Variants in LTBP1 observed in about 807,000 individuals in gnomAD.
LTBP1 encodes latent-transforming growth factor beta-binding protein 1.
A neutral mutation model predicts 207.6 loss-of-function variants in LTBP1; 129 were observed. That is an observed-to-expected ratio of 0.62 (90% CI 0.54 to 0.72). The LOEUF is 0.72. LTBP1 is among the 30% of genes least tolerant of loss of function. The probability of loss-of-function intolerance (pLI) is 0.00; values close to 1 mark genes in which losing one functional copy is unlikely to be tolerated. For synonymous variants in LTBP1, 963 were observed against 833.7 expected (o/e 1.16, Z -2.67); for missense variants, 2,281 against 2,217.2 (o/e 1.03, Z -0.58).
At chr2:33,259,686 T>G (rs1573478999) in intron 13 of LTBP1, 76 bp downstream of exon 13, 2 of 1,400,562 alleles carry the variant, frequency 1.4e-6, no homozygotes, top group East Asian at 4.6e-5. Flanking sequence ...GTATGGATTT[T>G]TTAGACTTAA....
chr2:33,229,294 AC>A (rs1328240701), intron 9 of LTBP1, among the ~76,000 whole-genome samples: 1 of 151,932 alleles, frequency 6.6e-6, no homozygotes, highest in Non-Finnish European at 1.5e-5. Flanking sequence ...ACAAAGCAAG[AC>A]CCTGTCTCTA....
At chr2:33,149,228 CAAAAAAAAAAA>C (rs58303103) in intron 5 of LTBP1, among the ~76,000 whole-genome samples, 5 of 82,784 alleles carry the variant, frequency 6.0e-5, no homozygotes, top group Non-Finnish European at 1.1e-4. Flanking sequence ...CACAAAAAAA[CAAAAAAAAAAA>C]AAAAAAAAAA....
intron 7 of LTBP1, among the ~76,000 whole-genome samples, chr2:33,189,111 A>C (rs571700248): frequency 3.3e-5 from 5 of 152,172 alleles, no homozygotes; most frequent in Non-Finnish European, 5.9e-5. Flanking sequence ...GTGGAACCTA[A>C]AATATTTACT....
chr2:33,334,626 T>C (rs980578443), intron 24 of LTBP1, among the ~76,000 whole-genome samples: 9 of 152,154 alleles, frequency 5.9e-5, no homozygotes, highest in Non-Finnish European at 4.4e-5. Context: ...TAGGATGATA[T>C]ATGTGATTTT....
intron 7 of LTBP1, among the ~76,000 whole-genome samples, chr2:33,197,953 A>G (rs185782139): frequency 9.8e-5 from 15 of 152,304 alleles, no homozygotes; most frequent in East Asian, 9.6e-4. Flanking sequence ...ACATATAAAT[A>G]CCTGAGTTAA....
chr2:33,228,122 G>C (rs1156265222), intron 9 of LTBP1, among the ~76,000 whole-genome samples: 1 of 151,978 alleles, frequency 6.6e-6, no homozygotes, highest in Non-Finnish European at 1.5e-5. Context: ...TCTTATTATA[G>C]CTTTATTTTA....
chr2:33,086,538 C>T (rs2078763444), intron 3 of LTBP1, among the ~76,000 whole-genome samples: 1 of 152,106 alleles, frequency 6.6e-6, no homozygotes, highest in Admixed American at 6.5e-5. Context: ...TACATGAGAC[C>T]CGAGACTGCG....
intron 7 of LTBP1, among the ~76,000 whole-genome samples, chr2:33,202,633 A>G (rs1373641995): frequency 6.6e-6 from 1 of 152,232 alleles, no homozygotes; most frequent in South Asian, 2.1e-4. Flanking sequence ...AACTATGTAA[A>G]TAGATTAGAA....
At chr2:33,035,453 A>G (rs575906203) in intron 3 of LTBP1, among the ~76,000 whole-genome samples, 1 of 152,352 alleles carries the variant, frequency 6.6e-6, no homozygotes, top group South Asian at 2.1e-4. Context: ...CAGGATTTGA[A>G]TTTTAAATCC....
chr2:32,959,297 C>T (rs556159310), intron 2 of LTBP1, among the ~76,000 whole-genome samples: 3 of 151,830 alleles, frequency 2.0e-5, no homozygotes, highest in South Asian at 2.1e-4. Flanking sequence ...AGGTGAAAAC[C>T]GAGTGGCTGG....
At chr2:33,108,561 C>G (rs977688265) in intron 3 of LTBP1, among the ~76,000 whole-genome samples, 2 of 151,978 alleles carry the variant, frequency 1.3e-5, no homozygotes, top group Non-Finnish European at 2.9e-5. Flanking sequence ...AGAGGGGGGA[C>G]AAGAGACAAC....
chr2:33,256,132 T>G (rs2092843594), intron 11 of LTBP1, among the ~76,000 whole-genome samples: 1 of 152,058 alleles, frequency 6.6e-6, no homozygotes, highest in Non-Finnish European at 1.5e-5. Context: ...TGGTAGTGAT[T>G]GATTCCAGGG....
intron 5 of LTBP1, among the ~76,000 whole-genome samples, chr2:33,170,105 A>G (rs1382164211): frequency 1.3e-5 from 2 of 152,196 alleles, no homozygotes; most frequent in Non-Finnish European, 2.9e-5. Flanking sequence ...CTGCATTTCC[A>G]TCTGAGGTAC....
At chr2:33,339,197 T>C (rs541810974) in intron 24 of LTBP1, among the ~76,000 whole-genome samples, 3 of 152,178 alleles carry the variant, frequency 2.0e-5, no homozygotes, top group South Asian at 4.2e-4. Context: ...AGATTGGATT[T>C]GCTGATGAAG....
chr2:33,353,859 C>CA (rs777108878), intron 26 of LTBP1, among the ~76,000 whole-genome samples: 10,319 of 113,086 alleles, frequency 0.091, 496 homozygotes, highest in Non-Finnish European at 0.13. Flanking sequence ...TGCATGTACG[C>CA]CTTTTTTTTT....
At chr2:33,276,173 A>G (rs898309732) in intron 18 of LTBP1, among the ~76,000 whole-genome samples, 1 of 152,198 alleles carries the variant, frequency 6.6e-6, no homozygotes, top group Non-Finnish European at 1.5e-5. Flanking sequence ...TGAAATCACC[A>G]TAGAATGATT....
Position 33,042,321 on chromosome 2 carries a change from G to T in LTBP1, c.863+21115G>T, listed in dbSNP as rs149265438. Among the ~76,000 whole-genome samples, 26 of 152,324 alleles carry T rather than the reference G, an allele frequency of 1.7e-4. No individual in the cohort carries two copies. In the East Asian group the frequency reaches 5.0e-3, roughly 29 times the overall value. ...AAAATGCTTCAAACAACATGCTCTA[G>T]GAGTGGTTGCCAGGGAAAACTAAAA... On this transcript the variant is annotated intron_variant, in intron 3 of 33. Transcript: ENST00000404816.
At chr2:33,262,540 CTT>C (rs369761322) in intron 13 of LTBP1, among the ~76,000 whole-genome samples, 180 bp from the exon 14 acceptor site, 3,121 of 98,410 alleles carry the variant, frequency 0.032, 21 homozygotes, top group Non-Finnish European at 0.049. Context: ...ATCAAAGGTT[CTT>C]TTTTTTTTTT....
chr2:33,266,934 G>C (rs565182664), intron 15 of LTBP1, among the ~76,000 whole-genome samples: 27 of 152,318 alleles, frequency 1.8e-4, no homozygotes, highest in African/African-American at 6.5e-4. Flanking sequence ...TGAGGGTGCC[G>C]AGAAGGGAAG....
Sources: allele counts gnomAD v4.1 joint callset (sites outside exome capture counted in the v4.1 genomes callset), GRCh38; gene constraint gnomAD v4.1.1; transcripts MANE v1.5; gene names NCBI Gene and HGNC (gene_info 2026-07-23, HGNC 2026-07-21).